The following AQR variants were observed in gnomAD, a reference collection of about 807,000 sequenced individuals.
The protein encoded by AQR is RNA helicase aquarius.
A neutral mutation model predicts 180.5 loss-of-function variants in AQR; 61 were observed. The ratio of observed to expected loss-of-function variants is 0.34; its 90% CI spans 0.28 to 0.42. AQR has a LOEUF of 0.42. Ranked by LOEUF, AQR falls within the 10% of genes least tolerant of loss-of-function variation. The pLI, the probability that AQR is intolerant of heterozygous loss-of-function variation, is 1.00. For synonymous variants in AQR, 551 were observed against 588.8 expected, an observed-to-expected ratio of 0.94 and a Z score of 0.93; for missense variants, 1,281 against 1,798.3, an observed-to-expected ratio of 0.71 and a Z score of 5.20.
At chr15:34,858,066 C>A (rs112578206) in intron 34 of AQR, among the ~76,000 whole-genome samples, 6,409 of 152,156 alleles carry the variant, frequency 0.042, 169 homozygotes, top group Middle Eastern at 0.088. Flanking sequence ...TCACTGCAAC[C>A]TCCGTCTCCC....
chr15:34,863,505 G>C (rs1376113973), intron 32 of AQR, among the ~76,000 whole-genome samples: 1 of 152,094 alleles, frequency 6.6e-6, no homozygotes, highest in Non-Finnish European at 1.5e-5. Context: ...TGGAAATACA[G>C]TATGATGTTA....
At chr15:34,895,561 T>A (rs1423225241) in intron 22 of AQR, among the ~76,000 whole-genome samples, 1 of 151,942 alleles carries the variant, frequency 6.6e-6, no homozygotes, top group African/African-American at 2.4e-5. Flanking sequence ...GATATTAATA[T>A]CAGACAAAGT....
Position 34,884,642 on chromosome 15 carries a change from G to A in AQR, c.2910C>T (p.Phe970=), listed in dbSNP as rs1053835134. Reference sequence around the variant, plus strand: ...GAGGAGCATTTGCAAAGTATTCATGGAAAGGGAAGAAAGTGGAGACTTCCG... The same window carrying A: ...GAGGAGCATTTGCAAAGTATTCATGAAAAGGGAAGAAAGTGGAGACTTCCG... ...DVTEVSTFFP[F]HEYFANAPQP... Residue 970 remains phenylalanine, a synonymous_variant, in exon 26 of 35, where the codon TTC becomes TTT. Coordinates refer to ENST00000156471, the MANE Select transcript of AQR (RefSeq NM_014691.3). 1.5e-5 allele frequency: 24 copies of A among 1,611,802 alleles called. No homozygotes were observed. The highest frequency in any genetic ancestry group is 2.0e-5 in the Non-Finnish European group (23 of 1,179,362).
Position 34,893,670 on chromosome 15 carries a change from G to T in AQR, c.2564C>A (p.Ser855Tyr). The change falls in exon 23 of 35, where the codon TCC (serine) becomes TAC (tyrosine). Residue 855 changes from serine (S) to tyrosine (Y), a missense_variant. Physicochemically the swap from Ser to Tyr is moderately radical, Grantham distance 144 (BLOSUM62 -2). Around this residue, in one of 9 missense-constraint regions of AQR, gnomAD observed 31 missense variants for 95.5 expected, o/e 0.32. Transcript: ENST00000156471. The stretch of plus-strand genomic sequence containing the variant: ...ACACACACAGTCATTTACCTGATTG[G>T]AATGAGTAACAATTAGAGTCCTCTG... ...PEQRTLIVTH[S>Y]NQALNQLFEK... The T allele has an allele frequency of 6.3e-7, 1 of 1,598,280 alleles. No individual in the cohort carries two copies. The highest frequency in any genetic ancestry group is 1.1e-5 in the South Asian group (1 of 90,696).
rs954102417 is a variant in AQR, at chr15:34,881,548, T to C, written c.3165+954A>G. On this transcript the variant is annotated intron_variant, in intron 27 of 34. Transcript: ENST00000156471. Reference sequence around the variant, plus strand: ...ATCACTAGCAAAGTCACAAAAAATTTGCAAATTCAAATTTACTGCTCAATC... The same window carrying C: ...ATCACTAGCAAAGTCACAAAAAATTCGCAAATTCAAATTTACTGCTCAATC... Among the ~76,000 whole-genome samples, 6 of 152,224 alleles carry C rather than the reference T, an allele frequency of 3.9e-5. No homozygotes were observed. The South Asian group carries it at 1.2e-3, about 32-fold the overall frequency.
chr15:34,888,539 C>CA (rs1198564606), intron 24 of AQR, among the ~76,000 whole-genome samples: 1 of 150,294 alleles, frequency 6.7e-6, no homozygotes, highest in Non-Finnish European at 1.5e-5. Flanking sequence ...TACTAAAATA[C>CA]AAAAAAAATC....
chr15:34,929,018 G>C (rs970444658), intron 12 of AQR, among the ~76,000 whole-genome samples: 2 of 152,060 alleles, frequency 1.3e-5, no homozygotes. Flanking sequence ...GTTCATATCC[G>C]TTGCCCACTT....
intron 16 of AQR, among the ~76,000 whole-genome samples, chr15:34,912,252 C>T (rs1472944603): frequency 6.6e-6 from 1 of 152,064 alleles, no homozygotes; most frequent in African/African-American, 2.4e-5. Flanking sequence ...TTTAGCTATT[C>T]AGGGTCTCTT....
intron 13 of AQR, among the ~76,000 whole-genome samples, chr15:34,924,199 T>C (rs539873123): frequency 9.8e-5 from 15 of 152,292 alleles, no homozygotes; most frequent in Non-Finnish European, 2.1e-4. Flanking sequence ...TGATAAAGCT[T>C]ATCAAAATAC....
intron 18 of AQR, among the ~76,000 whole-genome samples, chr15:34,906,101 G>T (rs544964429): frequency 1.3e-5 from 2 of 152,148 alleles, no homozygotes; most frequent in Admixed American, 6.5e-5. Flanking sequence ...AACTGTCTGG[G>T]TGTGGTGGCG....
chr15:34,940,137 G>C (rs16960136), intron 8 of AQR, among the ~76,000 whole-genome samples: 14,815 of 152,234 alleles, frequency 0.097, 793 homozygotes, highest in Middle Eastern at 0.16. Flanking sequence ...AGAGGAAAGG[G>C]ACTTAGGAAA....
At chr15:34,961,971 A>G (rs2050282088) in intron 2 of AQR, among the ~76,000 whole-genome samples, 1 of 152,146 alleles carries the variant, frequency 6.6e-6, no homozygotes, top group Non-Finnish European at 1.5e-5. Flanking sequence ...ACTACTGTAA[A>G]ATTATGAAGT....
At chr15:34,871,794 G>A (rs1227896849) in intron 30 of AQR, among the ~76,000 whole-genome samples, 1 of 151,800 alleles carries the variant, frequency 6.6e-6, no homozygotes, top group Non-Finnish European at 1.5e-5. Flanking sequence ...GGTCAGTCTG[G>A]TTTACTGTTA....
chr15:34,904,203 C>T (rs1893376901), intron 19 of AQR, 133 bp downstream of exon 19: 7 of 525,398 alleles, frequency 1.3e-5, no homozygotes, highest in Non-Finnish European at 1.8e-5. Context: ...AAGAGGATTG[C>T]TTATAGTAAA....
In AQR at chr15:34,968,895, T is replaced by C. The variant is rs75818491; in HGVS notation, c.75+644A>G. Reference sequence around the variant, plus strand: ...GCAGGTGGGCATGATAACTTCTACATTGAACTACTTACACTCTTATGCAAT... The same window carrying C: ...GCAGGTGGGCATGATAACTTCTACACTGAACTACTTACACTCTTATGCAAT... On this transcript the variant is annotated intron_variant, in intron 1 of 34. Transcript: ENST00000156471. Among the ~76,000 whole-genome samples, 55 of 152,294 alleles carry C rather than the reference T, an allele frequency of 3.6e-4. 2 individuals are homozygous for C. The East Asian group carries it at 9.8e-3, about 27-fold the overall frequency.
At chr15:34,897,432 A>G (rs954654849) in intron 21 of AQR, 127 bp downstream of exon 21, 8 of 1,083,320 alleles carry the variant, frequency 7.4e-6, no homozygotes, top group Non-Finnish European at 1.1e-5. Context: ...GAATAGAAAG[A>G]AAGAGGGTTC....
At chr15:34,919,291 C>T (rs1447086052) in intron 14 of AQR, among the ~76,000 whole-genome samples, 1 of 150,314 alleles carries the variant, frequency 6.7e-6, no homozygotes, top group Non-Finnish European at 1.5e-5. Context: ...TCTAATAATG[C>T]TAAAATGACA....
At chr15:34,874,509 C>A in intron 29 of AQR, 168 bp downstream of exon 29, 1 of 595,312 alleles carries the variant, frequency 1.7e-6, no homozygotes, top group Non-Finnish European at 2.9e-6. Context: ...TTATTTGGTC[C>A]ATTCACATCT....
chr15:34,963,592 T>TA (rs1436480219), intron 2 of AQR, among the ~76,000 whole-genome samples: 3 of 152,112 alleles, frequency 2.0e-5, no homozygotes, highest in African/African-American at 7.2e-5. Context: ...TCATTTATAA[T>TA]AATGATAAAT....
Sources: allele counts gnomAD v4.1 joint callset (sites outside exome capture counted in the v4.1 genomes callset), GRCh38; gene constraint gnomAD v4.1.1; regional missense constraint gnomAD v4.1.1; transcripts MANE v1.5; gene names NCBI Gene and HGNC (gene_info 2026-07-23, HGNC 2026-07-21).